Variants in LRFN2 observed in about 807,000 individuals in gnomAD.
LRFN2 encodes leucine-rich repeat and fibronectin type-III domain-containing protein 2.
Under a neutral mutation model 37.3 loss-of-function variants are expected in LRFN2, and 18 were observed. The observed-to-expected ratio is 0.48, with a 90% CI of 0.33 to 0.72. LRFN2 has a LOEUF of 0.72. Among genes scored for constraint, LRFN2 ranks in the 30% least tolerant of loss-of-function variants. LRFN2 has a pLI of 0.02. For missense variants in LRFN2, 1,006 were observed against 1,060.7 expected, an observed-to-expected ratio of 0.95 and a Z score of 0.72; for synonymous variants, 556 against 466.6, an observed-to-expected ratio of 1.19 and a Z score of -2.47.
In LRFN2 at chr6:40,532,002, G is replaced by A. The variant is rs977741561; in HGVS notation, c.-19+54939C>T. Among the ~76,000 whole-genome samples the A allele has an allele frequency of 7.2e-5, 11 of 152,178 alleles. No homozygotes were observed. In the South Asian group the frequency reaches 2.1e-3, roughly 29 times the overall value. On this transcript the variant is annotated intron_variant, in intron 1 of 2. Transcript: ENST00000338305. ...GTCTCCATGCAGGAATTCTTCAGGT[G>A]TCCGCACAGTTCCTGCATATATGGA...
chr6:40,425,724 T>A (rs1763337948), intron 2 of LRFN2, among the ~76,000 whole-genome samples: 1 of 152,184 alleles, frequency 6.6e-6, no homozygotes, highest in Non-Finnish European at 1.5e-5. Flanking sequence ...CTGTCTCCAG[T>A]GTGTCACAGC....
chr6:40,473,781 G>A lies in LRFN2; in HGVS notation c.-18-40650C>T, dbSNP rs951197214. Among the ~76,000 whole-genome samples the A allele has an allele frequency of 1.7e-4, 26 of 151,964 alleles. 1 individual carries two copies. The highest frequency in any genetic ancestry group is 1.3e-4 in the Admixed American group (2 of 15,258). On this transcript the variant is annotated intron_variant, in intron 1 of 2. Transcript: ENST00000338305. Reference sequence around the variant, plus strand: ...CTCGGCGTATGATGTTCCTGTCCCTGTATCCATGTGTTCTCATTGTTCAGC... The same window carrying A: ...CTCGGCGTATGATGTTCCTGTCCCTATATCCATGTGTTCTCATTGTTCAGC...
At chr6:40,482,134 G>T (rs1212494069) in intron 1 of LRFN2, among the ~76,000 whole-genome samples, 2 of 152,152 alleles carry the variant, frequency 1.3e-5, no homozygotes, top group African/African-American at 4.8e-5. Context: ...GTTATTGTCA[G>T]TTGCCATGTA....
intron 1 of LRFN2, among the ~76,000 whole-genome samples, chr6:40,512,562 A>G (rs1226752935): frequency 6.6e-6 from 1 of 152,200 alleles, no homozygotes; most frequent in African/African-American, 2.4e-5. Context: ...CTGTTTTTGC[A>G]GACACCTGGC....
intron 1 of LRFN2, among the ~76,000 whole-genome samples, chr6:40,441,482 G>C (rs1289864596): frequency 6.6e-6 from 1 of 152,162 alleles, no homozygotes; most frequent in African/African-American, 2.4e-5. Flanking sequence ...TTCACCAGTG[G>C]GGGCCTGGAT....
intron 1 of LRFN2, among the ~76,000 whole-genome samples, chr6:40,465,857 T>C (rs1333559612): frequency 6.6e-6 from 1 of 152,140 alleles, no homozygotes; most frequent in African/African-American, 2.4e-5. Context: ...ACCTCTAACT[T>C]GCCACTGCTG....
intron 1 of LRFN2, among the ~76,000 whole-genome samples, chr6:40,453,874 T>G (rs1179862437): frequency 6.6e-6 from 1 of 152,156 alleles, no homozygotes; most frequent in Non-Finnish European, 1.5e-5. Flanking sequence ...CCCATAAACA[T>G]CCAGGCCCTG....
At chr6:40,542,059 A>G (rs997553331) in intron 1 of LRFN2, among the ~76,000 whole-genome samples, 1 of 152,242 alleles carries the variant, frequency 6.6e-6, no homozygotes, top group African/African-American at 2.4e-5. Context: ...ACACACTTGC[A>G]GTCATGTGGA....
chr6:40,439,473 A>AGG (rs1763778982), intron 1 of LRFN2, among the ~76,000 whole-genome samples: 2 of 152,156 alleles, frequency 1.3e-5, no homozygotes, highest in Admixed American at 1.3e-4. Context: ...GGGAAAGGAA[A>AGG]CTTGAGTTCC....
intron 1 of LRFN2, among the ~76,000 whole-genome samples, chr6:40,565,540 T>C (rs565889653): frequency 1.6e-3 from 243 of 152,118 alleles, no homozygotes; most frequent in Non-Finnish European, 3.0e-3. Flanking sequence ...AACAGAGATA[T>C]AGACCAATGG....
chr6:40,461,669 T>C (rs1382595017), intron 1 of LRFN2, among the ~76,000 whole-genome samples: 1 of 143,264 alleles, frequency 7.0e-6, no homozygotes, highest in Non-Finnish European at 1.5e-5. Flanking sequence ...AAAGTAAACA[T>C]GATATCAGAA....
chr6:40,397,188 C>G (rs180869714), intron 2 of LRFN2, among the ~76,000 whole-genome samples: 70 of 152,286 alleles, frequency 4.6e-4, no homozygotes, highest in African/African-American at 1.4e-3. Flanking sequence ...CCTCATCATC[C>G]AACCCTACAA....
intron 2 of LRFN2, among the ~76,000 whole-genome samples, chr6:40,427,239 C>T (rs1490820735): frequency 1.3e-5 from 2 of 152,206 alleles, no homozygotes; most frequent in Non-Finnish European, 2.9e-5. Context: ...AGGCAGAAGC[C>T]AAAGGCTTTC....
At chr6:40,476,410 C>T (rs1196939857) in intron 1 of LRFN2, among the ~76,000 whole-genome samples, 4 of 152,250 alleles carry the variant, frequency 2.6e-5, no homozygotes, top group Non-Finnish European at 5.9e-5. Context: ...TCCCCAACCT[C>T]ACTGTAAGAA....
intron 1 of LRFN2, among the ~76,000 whole-genome samples, chr6:40,461,194 G>T (rs1406946605): frequency 2.0e-5 from 3 of 152,012 alleles, no homozygotes; most frequent in African/African-American, 2.4e-5. Context: ...ATGGCTTGAG[G>T]CCAGGAGTTC....
chr6:40,406,593 C>G (rs1308101702), intron 2 of LRFN2, among the ~76,000 whole-genome samples: 1 of 152,168 alleles, frequency 6.6e-6, no homozygotes, highest in African/African-American at 2.4e-5. Flanking sequence ...GCTGTCAGCA[C>G]CCTCTGCTCA....
intron 1 of LRFN2, among the ~76,000 whole-genome samples, chr6:40,565,896 A>G (rs944493280): frequency 6.6e-6 from 1 of 152,044 alleles, no homozygotes; most frequent in African/African-American, 2.4e-5. Context: ...GGATCTAATT[A>G]AACTAAAGAG....
chr6:40,481,654 T>G (rs1296260919), intron 1 of LRFN2, among the ~76,000 whole-genome samples: 1 of 152,124 alleles, frequency 6.6e-6, no homozygotes, highest in African/African-American at 2.4e-5. Context: ...GACCAGGGAA[T>G]AGTCCACGAA....
At chr6:40,470,071 A>G (rs1250443322) in intron 1 of LRFN2, among the ~76,000 whole-genome samples, 1 of 152,184 alleles carries the variant, frequency 6.6e-6, no homozygotes, top group African/African-American at 2.4e-5. Context: ...TTGGGTGATC[A>G]TGGGCCCCTT....
Sources: allele counts gnomAD v4.1 joint callset (sites outside exome capture counted in the v4.1 genomes callset), GRCh38; gene constraint gnomAD v4.1.1; transcripts MANE v1.5; gene names NCBI Gene and HGNC (gene_info 2026-07-23, HGNC 2026-07-21).